TDRD7: variants seen among roughly 807,000 people sequenced by gnomAD.
TDRD7 encodes the protein tudor domain containing 7, also known as tudor domain-containing protein 7.
Under a neutral mutation model 109.8 loss-of-function variants are expected in TDRD7, and 47 were observed. The observed-to-expected ratio is 0.43, with a 90% CI of 0.34 to 0.55. TDRD7 has a LOEUF of 0.55. TDRD7 is among the 20% of genes least tolerant of loss of function. The pLI is 0.03. For missense variants in TDRD7, 1,164 were observed against 1,319.2 expected (o/e 0.88, Z 1.82); for synonymous variants, 424 against 457.3 (o/e 0.93, Z 0.93).
intron 5 of TDRD7, 58 bp from the exon 6 acceptor site, chr9:97,441,600 G>A (rs1383342546): frequency 7.0e-7 from 1 of 1,420,408 alleles, no homozygotes; most frequent in Non-Finnish European, 9.7e-7. Flanking sequence ...ATTAGGTAAT[G>A]GGGATAATCT....
In TDRD7 at chr9:97,481,958, C is replaced by T. The variant is rs560154891; in HGVS notation, c.2413-891C>T. 2.0e-5 allele frequency among the ~76,000 whole-genome samples: 3 copies of T among 152,246 alleles called. No homozygotes were observed. In the East Asian group the frequency reaches 5.8e-4, roughly 29 times the overall value. On this transcript the variant is annotated intron_variant, in intron 14 of 16. Coordinates refer to ENST00000355295, the MANE Select transcript of TDRD7 (RefSeq NM_014290.3). ...TGCTGTTATCTCCCTCTCCGCAGACCTGTGTTCCTGCCTTTCATTTCTAGC... is the reference window on the plus strand; with the variant it reads ...TGCTGTTATCTCCCTCTCCGCAGACTTGTGTTCCTGCCTTTCATTTCTAGC...
intron 16 of TDRD7, among the ~76,000 whole-genome samples, chr9:97,487,726 C>T (rs1364265846): frequency 6.6e-6 from 1 of 151,870 alleles, no homozygotes; most frequent in Non-Finnish European, 1.5e-5. Context: ...ATCAATACTT[C>T]CCTATTGATG....
chr9:97,428,315 C>A, intron 1 of TDRD7, 145 bp from the exon 2 acceptor site: 1 of 801,828 alleles, frequency 1.2e-6, no homozygotes, highest in Non-Finnish European at 2.0e-6. Context: ...CTTTTCTCTA[C>A]CGTGGCAGTT....
intron 3 of TDRD7, 73 bp downstream of exon 3, chr9:97,431,147 T>C: frequency 6.3e-7 from 1 of 1,587,714 alleles, no homozygotes; most frequent in Non-Finnish European, 8.6e-7. Flanking sequence ...TATGGAAATA[T>C]TGTTTGTATT....
intron 16 of TDRD7, among the ~76,000 whole-genome samples, chr9:97,489,553 T>G (rs1829266290): frequency 6.6e-6 from 1 of 152,250 alleles, no homozygotes; most frequent in Admixed American, 6.5e-5. Flanking sequence ...TAAAGTGGTC[T>G]TGTAGATAAT....
intron 4 of TDRD7, among the ~76,000 whole-genome samples, chr9:97,433,718 C>T (rs771941537): frequency 7.2e-5 from 11 of 152,096 alleles, no homozygotes; most frequent in Non-Finnish European, 1.3e-4. Flanking sequence ...AGACATTTCT[C>T]AATAGAAGAC....
chr9:97,472,269 A>T lies in TDRD7; in HGVS notation c.1742-24A>T, dbSNP rs201177732. On this transcript the variant is annotated intron_variant, in intron 9 of 16. Coordinates refer to ENST00000355295, the MANE Select transcript of TDRD7 (RefSeq NM_014290.3). Reference sequence around the variant, plus strand: ...AAATGATTTTTCTAATTAAGTAGAAATTAAAAGATTCAATATTTTTCAGGC... The same window carrying T: ...AAATGATTTTTCTAATTAAGTAGAATTTAAAAGATTCAATATTTTTCAGGC... The T allele has an allele frequency of 1.9e-6, 3 of 1,601,292 alleles. No homozygotes were observed. The African/African-American group carries it at 4.0e-5, about 21-fold the overall frequency.
chr9:97,465,683 C>T (rs924269171), intron 8 of TDRD7, among the ~76,000 whole-genome samples: 3 of 152,060 alleles, frequency 2.0e-5, no homozygotes, highest in Non-Finnish European at 4.4e-5. Context: ...TAGGTATTAG[C>T]TCCGTGTGCT....
intron 14 of TDRD7, 41 bp downstream of exon 14, chr9:97,480,979 C>T: frequency 6.5e-7 from 1 of 1,548,754 alleles, no homozygotes; most frequent in Non-Finnish European, 8.9e-7. Flanking sequence ...AGAAAGGGAG[C>T]TGGCAGCTGT....
intron 4 of TDRD7, among the ~76,000 whole-genome samples, chr9:97,435,399 G>A (rs948332375): frequency 6.6e-6 from 1 of 151,422 alleles, no homozygotes; most frequent in Non-Finnish European, 1.5e-5. Flanking sequence ...GGAGGCTGAC[G>A]CAGGAGGATC....
chr9:97,483,400 A>G, intron 15 of TDRD7, 49 bp downstream of exon 15: 1 of 1,602,958 alleles, frequency 6.2e-7, no homozygotes. Context: ...AAAAATGTGT[A>G]AAATGATGCC....
rs140156049 is a variant in TDRD7, at chr9:97,480,481, C to A, written c.2302-347C>A. 72 of 289,416 alleles carry A rather than the reference C, an allele frequency of 2.5e-4. No homozygotes were observed. In the East Asian group the frequency reaches 3.8e-3, roughly 15 times the overall value. 17.9% of individuals were successfully genotyped at this position (289,416 alleles called of 1,614,324 possible). A position where few individuals can be genotyped will look rare whatever the true frequency, so the allele number is the denominator to read the frequency against. Reference sequence around the variant, plus strand: ...GGGTAGACCTTGATAAAAGTCCCAACCCTGTCTTTGCAACTTTGGTATCTT... The same window carrying A: ...GGGTAGACCTTGATAAAAGTCCCAAACCTGTCTTTGCAACTTTGGTATCTT... On this transcript the variant is annotated intron_variant, in intron 13 of 16. Transcript: ENST00000355295.
rs1485052109 is a variant in TDRD7, at chr9:97,470,629, T to C, written c.1701T>C (p.Phe567=). 1.2e-6 allele frequency: 2 copies of C among 1,613,996 alleles called. No individual in the cohort carries two copies. The highest frequency in any genetic ancestry group is 3.3e-5 in the Admixed American group (2 of 60,002). The change falls in exon 9 of 17, where the codon TTT becomes TTC. Residue 567 remains phenylalanine, a synonymous_variant. Coordinates refer to ENST00000355295, the MANE Select transcript of TDRD7 (RefSeq NM_014290.3). ...AAGCATACAAATTAAACCCGAAGTTTTGTTCACTCTCATTTCAAGCTACAA... is the reference window on the plus strand; with the variant it reads ...AAGCATACAAATTAAACCCGAAGTTCTGTTCACTCTCATTTCAAGCTACAA... ...KSKAYKLNPK[F]CSLSFQATKC... is the part of the protein sequence containing the mutation.
intron 6 of TDRD7, among the ~76,000 whole-genome samples, chr9:97,453,719 G>C (rs2118447167): frequency 6.6e-6 from 1 of 151,952 alleles, no homozygotes; most frequent in Middle Eastern, 3.4e-3. Flanking sequence ...CAAATGGAAA[G>C]CAAAAAAATA....
Position 97,439,255 on chromosome 9 carries a change from A to G in TDRD7, c.574A>G (p.Lys192Glu). 1 of 1,601,188 alleles carries G rather than the reference A, an allele frequency of 6.2e-7. No individual in the cohort carries two copies. Among genetic ancestry groups the G allele is most frequent in the Non-Finnish European group, 8.5e-7 (1 of 1,178,758 alleles). ...TTTTTAATATCTTAGGTTTAGCCCA[A>G]AGGCGTCCCTTCAACCACCTTTGCA... ...TMSTNNRFSP[K>E]ASLQPPLQMH... The change falls in exon 5 of 17, where the codon AAG (lysine) becomes GAG (glutamate). Residue 192 changes from lysine (K) to glutamate (E), a missense_variant. By Grantham distance (56) the Lys-to-Glu change is moderately conservative (BLOSUM62 1). Transcript: ENST00000355295.
rs759079302 is a variant in TDRD7 at position 97,487,181 on chromosome 9, G to A, written c.2925G>A (p.Arg975=). The change falls in exon 16 of 17, where the codon AGG becomes AGA. Residue 975 remains arginine (R), a synonymous_variant. Transcript: ENST00000355295. ...TTTAATGTACATCTAGGTGGCACAG[G>A]GTGCTTTTAAAAGGAATCCTGACCA... ...YAAKVENKWH[R]VLLKGILTNG... 1 of 1,613,782 alleles carries A rather than the reference G, an allele frequency of 6.2e-7. No homozygotes were observed. The highest frequency in any genetic ancestry group is 1.1e-5 in the South Asian group (1 of 91,072).
In TDRD7 at chr9:97,441,641, A is replaced by T; in HGVS notation, c.638-17A>T. On this transcript the variant is annotated splice_polypyrimidine_tract_variant and intron_variant, in intron 5 of 16. Coordinates refer to ENST00000355295, the MANE Select transcript of TDRD7 (RefSeq NM_014290.3). ...GTTAAGCATTTTGGTTAATTCTATTATTTTTTTAATTTAAAGATAATTTAA... is the reference window on the plus strand; with the variant it reads ...GTTAAGCATTTTGGTTAATTCTATTTTTTTTTTAATTTAAAGATAATTTAA... 6.4e-7 allele frequency: 1 copy of T among 1,568,868 alleles called. No individual in the cohort carries two copies. Among genetic ancestry groups the T allele is most frequent in the Non-Finnish European group, 8.7e-7 (1 of 1,151,394 alleles).
intron 7 of TDRD7, among the ~76,000 whole-genome samples, chr9:97,464,155 C>T (rs750599140): frequency 5.9e-5 from 9 of 152,228 alleles, no homozygotes; most frequent in Non-Finnish European, 5.9e-5. Context: ...GGCCTCCAGG[C>T]CTCCCTTGGT....
intron 13 of TDRD7, among the ~76,000 whole-genome samples, chr9:97,479,019 A>G (rs980909698): frequency 6.6e-6 from 1 of 152,100 alleles, no homozygotes; most frequent in African/African-American, 2.4e-5. Flanking sequence ...ACTTCGGCTG[A>G]TCCTTTCTTT....
Sources: allele counts gnomAD v4.1 joint callset (sites outside exome capture counted in the v4.1 genomes callset), GRCh38; gene constraint gnomAD v4.1.1; transcripts MANE v1.5; gene names NCBI Gene and HGNC (gene_info 2026-07-23, HGNC 2026-07-21).